The following UGT2A1 variants were observed in gnomAD, a reference collection of about 807,000 sequenced individuals.
UGT2A1 encodes UDP glucuronosyltransferase family 2 member A1 complex locus, also known as UDP-glucuronosyltransferase 2A1.
A neutral mutation model predicts 45.4 loss-of-function variants in UGT2A1; 61 were observed. The ratio of observed to expected loss-of-function variants is 1.34; its 90% confidence interval spans 1.09 to 1.66. UGT2A1 has a LOEUF of 1.66. UGT2A1 is among the 40% of genes most tolerant of loss of function. The pLI, the probability that UGT2A1 is intolerant of heterozygous loss-of-function variation, is 0.00. For synonymous variants in UGT2A1, 229 were observed against 196.2 expected (o/e 1.17, Z -1.40); for missense variants, 649 against 574.3 (o/e 1.13, Z -1.33).
intron 3 of UGT2A1, among the ~76,000 whole-genome samples, chr4:69,613,205 C>T (rs1468150597): frequency 6.6e-6 from 1 of 151,696 alleles, no homozygotes; most frequent in Non-Finnish European, 1.5e-5. Flanking sequence ...AGACATATAA[C>T]AGACATATAG....
At chr4:69,596,291 C>T (rs1718926257) in intron 4 of UGT2A1, 1 of 1,607,276 alleles carries the variant, frequency 6.2e-7, no homozygotes, top group South Asian at 1.1e-5. Context: ...ATAAGATTGG[C>T]CTTTTCTTCT....
chr4:69,601,311 G>A (rs1038979562), intron 3 of UGT2A1, among the ~76,000 whole-genome samples: 7 of 152,144 alleles, frequency 4.6e-5, no homozygotes, highest in Admixed American at 2.6e-4. Flanking sequence ...CCAGCCTCGT[G>A]TTCTTGCTCC....
intron 3 of UGT2A1, among the ~76,000 whole-genome samples, chr4:69,613,776 T>C (rs1004629059): frequency 6.6e-6 from 1 of 151,974 alleles, no homozygotes; most frequent in Admixed American, 6.6e-5. Context: ...CATTAACATC[T>C]CTTCATGATT....
rs1719316536 is a variant in UGT2A1, at chr4:69,601,827, C to T, written c.848-2433G>A. Among the ~76,000 whole-genome samples the T allele has an allele frequency of 1.5e-5, 2 of 136,166 alleles. 1 individual carries two copies. The highest frequency in any genetic ancestry group is 3.1e-5 in the Non-Finnish European group (2 of 64,144). 89.3% of individuals were successfully genotyped at this position (136,166 alleles called of 152,430 possible). ...AGCACCAGTCTGGGGTGTGACAGCC[C>T]TACTGGGTGGCCAGGTCTAGAGGAG... On this transcript the variant is annotated intron_variant, in intron 3 of 6. Coordinates refer to ENST00000286604, the MANE Select transcript of UGT2A1 (RefSeq NM_001252275.3).
chr4:69,627,394 T>C (rs1007623425), intron 3 of UGT2A1, among the ~76,000 whole-genome samples: 5 of 151,932 alleles, frequency 3.3e-5, no homozygotes, highest in Admixed American at 6.6e-5. Flanking sequence ...TAGATTCATA[T>C]GATTTTATGC....
chr4:69,626,999 G>C (rs776111440), intron 3 of UGT2A1, among the ~76,000 whole-genome samples: 51 of 151,626 alleles, frequency 3.4e-4, no homozygotes, highest in Non-Finnish European at 6.0e-4. Context: ...CACTTCTCCA[G>C]TGAACGGTAT....
chr4:69,643,569 A>T (rs1578006536), intron 2 of UGT2A1, among the ~76,000 whole-genome samples: 1 of 151,672 alleles, frequency 6.6e-6, no homozygotes, highest in Admixed American at 6.6e-5. Context: ...ATAGGAAGAT[A>T]TTAATATATA....
intron 3 of UGT2A1, among the ~76,000 whole-genome samples, chr4:69,614,526 C>A (rs968809326): frequency 6.6e-6 from 1 of 151,782 alleles, no homozygotes; most frequent in Non-Finnish European, 1.5e-5. Flanking sequence ...CTATTCTGAG[C>A]AAAAAGAACA....
chr4:69,649,097 A>AGT lies in UGT2A1; in HGVS notation c.-54-1401_-54-1400dup, dbSNP rs750374544. Reference sequence around the variant, plus strand: ...TATGCATATGTCTGTGAATAAGCAGAGTGATCCTTTTCATGTTAATAAATC... The same window carrying AGT: ...TATGCATATGTCTGTGAATAAGCAGAGTGTGATCCTTTTCATGTTAATAAATC... On this transcript the variant is annotated intron_variant, in intron 1 of 6. Transcript: ENST00000286604. 7.0e-4 allele frequency among the ~76,000 whole-genome samples: 107 copies of AGT among 152,238 alleles called. No homozygotes were observed. In the Middle Eastern group the frequency reaches 0.01, roughly 15 times the overall value.
intron 3 of UGT2A1, among the ~76,000 whole-genome samples, chr4:69,627,566 GAAAGAA>G (rs1259272980): frequency 2.8e-5 from 4 of 144,966 alleles, no homozygotes; most frequent in African/African-American, 7.7e-5. Flanking sequence ...GAGAGAGAGA[GAAAGAA>G]AGAGAGAAAG....
At chr4:69,639,531 G>T in intron 2 of UGT2A1, 1 of 1,613,172 alleles carries the variant, frequency 6.2e-7, no homozygotes, top group Non-Finnish European at 8.5e-7. Flanking sequence ...GCTACCATCT[G>T]TAGGCCAAAT....
At chr4:69,621,384 A>T (rs181043019) in intron 3 of UGT2A1, among the ~76,000 whole-genome samples, 1 of 152,150 alleles carries the variant, frequency 6.6e-6, no homozygotes, top group Admixed American at 6.6e-5. Flanking sequence ...ACCATCAAGT[A>T]TATTAAAAAG....
At chr4:69,638,771 G>A (rs1251493754) in intron 2 of UGT2A1, 2 of 1,193,640 alleles carry the variant, frequency 1.7e-6, no homozygotes, top group Non-Finnish European at 2.3e-6. Context: ...GGAATTGTTT[G>A]TACAGAGATA....
intron 3 of UGT2A1, among the ~76,000 whole-genome samples, chr4:69,610,197 A>G (rs1049270914): frequency 6.6e-6 from 1 of 152,126 alleles, no homozygotes; most frequent in African/African-American, 2.4e-5. Context: ...TAAATGTGCA[A>G]AAATTAAAGT....
At position 69,589,361 on chromosome 4, in the gene UGT2A1, T is replaced by A; in HGVS notation, c.*11A>T. ...AACTTAAAAATATATATATTTCCTC[T>A]TTTTCTTGACCTATTCTCTTTTTTT... On this transcript the variant is annotated 3_prime_UTR_variant, in exon 7 of 7. Transcript: ENST00000286604. 6.3e-7 allele frequency: 1 copy of A among 1,599,260 alleles called. No individual in the cohort carries two copies. The highest frequency in any genetic ancestry group is 8.5e-7 in the Non-Finnish European group (1 of 1,173,322).
At chr4:69,638,861 G>T in intron 2 of UGT2A1, 2 of 1,503,968 alleles carry the variant, frequency 1.3e-6, no homozygotes, top group Non-Finnish European at 8.9e-7. Context: ...ATAAATAAGG[G>T]ATGTGGAGTC....
intron 3 of UGT2A1, among the ~76,000 whole-genome samples, chr4:69,604,392 G>A (rs1719476540): frequency 7.3e-6 from 1 of 136,308 alleles, no homozygotes; most frequent in Non-Finnish European, 1.6e-5. Flanking sequence ...TCACCACCAG[G>A]CCCGCCCTAA....
At chr4:69,644,132 G>T (rs1006982168) in intron 2 of UGT2A1, among the ~76,000 whole-genome samples, 3 of 151,656 alleles carry the variant, frequency 2.0e-5, no homozygotes, top group African/African-American at 7.2e-5. Flanking sequence ...AACATCTTTA[G>T]AAATCTTTAT....
At chr4:69,615,403 C>G (rs1344473952) in intron 3 of UGT2A1, among the ~76,000 whole-genome samples, 1 of 151,876 alleles carries the variant, frequency 6.6e-6, no homozygotes, top group Non-Finnish European at 1.5e-5. Context: ...AGCTTCTGCA[C>G]ATTAAAGAAA....
Sources: gnomAD v4.1 joint callset for allele counts (sites outside exome capture counted in the v4.1 genomes callset) on GRCh38, gnomAD v4.1.1 for gene constraint, MANE v1.5 for transcripts, NCBI Gene and HGNC (gene_info 2026-07-23, HGNC 2026-07-21) for gene names.